RIPOR3: variants seen among roughly 807,000 people sequenced by gnomAD.
The protein encoded by RIPOR3 is RIPOR family member 3.
RIPOR3 carries 95 observed loss-of-function variants against 114.3 expected under a neutral mutation model. That is an observed-to-expected ratio of 0.83 (90% CI 0.70 to 0.99). The LOEUF (loss-of-function observed/expected upper bound fraction) is 0.99. Ranked by LOEUF, RIPOR3 falls within the 50% of genes least tolerant of loss-of-function variation. The pLI is 0.00. For missense variants in RIPOR3, 1,252 were observed against 1,266.9 expected, an observed-to-expected ratio of 0.99 and a Z score of 0.18; for synonymous variants, 575 against 543.8, an observed-to-expected ratio of 1.06 and a Z score of -0.80.
intron 1 of RIPOR3, among the ~76,000 whole-genome samples, chr20:50,656,731 C>T (rs577141684): frequency 3.9e-5 from 6 of 152,182 alleles, no homozygotes; most frequent in Non-Finnish European, 5.9e-5. Flanking sequence ...AACTCCTGAC[C>T]TCATGATCCG....
intron 2 of RIPOR3, chr20:50,621,100 G>T (rs554623423): frequency 4.0e-5 from 12 of 300,846 alleles, no homozygotes; most frequent in African/African-American, 2.8e-4. Flanking sequence ...GCCCTCTCCC[G>T]GAAATATAGA....
Position 50,691,237 on chromosome 20 carries a change from G to T in RIPOR3, c.-109C>A. 7.9e-7 allele frequency: 1 copy of T among 1,273,354 alleles called. No individual in the cohort carries two copies. The highest frequency in any genetic ancestry group is 1.2e-5 in the South Asian group (1 of 80,494). 78.9% of individuals were successfully genotyped at this position (1,273,354 alleles called of 1,614,324 possible). On this transcript the variant is annotated 5_prime_UTR_variant, in exon 1 of 22. Coordinates refer to ENST00000327979, the MANE Select transcript of RIPOR3 (RefSeq NM_001290268.2). ...GCTCCCATCTGGCCCGGGACTCCCG[G>T]ACTCGAGCTAGGGCTCTGCAAATTC...
At position 50,608,595 on chromosome 20, in the gene RIPOR3, C is replaced by T. The variant is rs777345556; in HGVS notation, c.810+18G>A. 4.3e-6 allele frequency: 7 copies of T among 1,613,730 alleles called. No individual in the cohort carries two copies. The highest frequency in any genetic ancestry group is 5.9e-6 in the Non-Finnish European group (7 of 1,179,848). ...AACACCCAGGCACCCCAGCCCTGCC[C>T]CCGGGCCCCATCCCCACCTTGATGT... is the stretch of plus-strand genomic sequence containing the variant. On this transcript the variant is annotated intron_variant, in intron 10 of 21. Transcript: ENST00000327979.
chr20:50,666,186 T>TGC (rs2086194665), intron 1 of RIPOR3, among the ~76,000 whole-genome samples: 2 of 91,484 alleles, frequency 2.2e-5, no homozygotes, highest in African/African-American at 9.9e-5. Flanking sequence ...GACACCCATT[T>TGC]CTTTTCTTTT....
At chr20:50,619,720 T>C (rs1386398831) in intron 3 of RIPOR3, among the ~76,000 whole-genome samples, 2 of 152,202 alleles carry the variant, frequency 1.3e-5, no homozygotes, top group African/African-American at 4.8e-5. Flanking sequence ...TGCTTCTTGA[T>C]TGATTGCATT....
intron 1 of RIPOR3, among the ~76,000 whole-genome samples, chr20:50,673,395 G>T (rs1407322841): frequency 6.6e-6 from 1 of 152,072 alleles, no homozygotes; most frequent in East Asian, 1.9e-4. Flanking sequence ...TCTGCCACGT[G>T]GCCGGTTCCT....
At chr20:50,597,823 A>C in intron 13 of RIPOR3, 113 bp from the exon 14 acceptor site, 1 of 1,439,394 alleles carries the variant, frequency 6.9e-7, no homozygotes. Context: ...CCAAGCCCCA[A>C]TCCCACACAC....
intron 3 of RIPOR3, among the ~76,000 whole-genome samples, chr20:50,617,940 T>G (rs112757924): frequency 1.6e-3 from 245 of 152,178 alleles, no homozygotes; most frequent in African/African-American, 5.6e-3. Context: ...TACTTGACTC[T>G]GGTTCCTCTT....
chr20:50,683,105 C>A (rs893501476), intron 1 of RIPOR3, among the ~76,000 whole-genome samples: 1 of 152,170 alleles, frequency 6.6e-6, no homozygotes, highest in Admixed American at 6.5e-5. Context: ...AATTGCCCAA[C>A]ATTGTGAATG....
chr20:50,659,787 G>A (rs567389949), intron 1 of RIPOR3: 2 of 152,232 alleles, frequency 1.3e-5, no homozygotes, highest in South Asian at 4.1e-4. Context: ...ATCACCAGCT[G>A]AGTCCTGACT....
intron 1 of RIPOR3, among the ~76,000 whole-genome samples, chr20:50,638,733 G>A (rs560413194): frequency 2.0e-5 from 3 of 152,190 alleles, no homozygotes; most frequent in East Asian, 3.9e-4. Flanking sequence ...GGGGAAGCTG[G>A]GCCTCCAAGA....
chr20:50,644,873 C>T (rs1405419477), intron 1 of RIPOR3, among the ~76,000 whole-genome samples: 1 of 147,546 alleles, frequency 6.8e-6, no homozygotes, highest in Non-Finnish European at 1.5e-5. Context: ...GAGTTTCGCT[C>T]TTGTCACCCA....
intron 9 of RIPOR3, 54 bp downstream of exon 9, chr20:50,608,858 C>G (rs1010306116): frequency 5.6e-6 from 9 of 1,605,240 alleles, no homozygotes; most frequent in Non-Finnish European, 7.7e-6. Context: ...CAGCTCCCGT[C>G]CCCCAAAGAC....
rs1568979837 is a variant in RIPOR3, at chr20:50,691,179, C to T, written c.-51G>A. Reference sequence around the variant, plus strand: ...AGTCCCGCCGCCCTCCTTGCAGCTGCCTCACTTTCCCTATTGCCGCCAGCA... The same window carrying T: ...AGTCCCGCCGCCCTCCTTGCAGCTGTCTCACTTTCCCTATTGCCGCCAGCA... On this transcript the variant is annotated 5_prime_UTR_variant, in exon 1 of 22. Coordinates refer to ENST00000327979, the MANE Select transcript of RIPOR3 (RefSeq NM_001290268.2). 1 of 1,289,302 alleles carries T rather than the reference C, an allele frequency of 7.8e-7. No individual in the cohort carries two copies. The highest frequency in any genetic ancestry group is 1.0e-6 in the Non-Finnish European group (1 of 988,864). 79.9% of individuals were successfully genotyped at this position (1,289,302 alleles called of 1,614,324 possible). A position where few individuals can be genotyped will look rare whatever the true frequency, so the allele number is the denominator to read the frequency against.
intron 2 of RIPOR3, among the ~76,000 whole-genome samples, chr20:50,627,726 A>G (rs2084673887): frequency 6.6e-6 from 1 of 152,120 alleles, no homozygotes; most frequent in South Asian, 2.1e-4. Context: ...GATCATTTGA[A>G]CCAAGGAGGT....
intron 14 of RIPOR3, chr20:50,596,881 T>C (rs2083310457): frequency 6.4e-6 from 1 of 156,466 alleles, no homozygotes; most frequent in Non-Finnish European, 1.4e-5. Flanking sequence ...GAAGCTGTCA[T>C]GAGAGGTGTG....
intron 1 of RIPOR3, among the ~76,000 whole-genome samples, chr20:50,667,946 C>G (rs16995393): frequency 0.017 from 2,589 of 152,270 alleles, 87 homozygotes; most frequent in African/African-American, 0.059. Flanking sequence ...TCTGAGATTC[C>G]ATGCTGCTGT....
intron 1 of RIPOR3, among the ~76,000 whole-genome samples, chr20:50,642,333 T>G (rs997412760): frequency 3.5e-5 from 5 of 142,320 alleles, no homozygotes; most frequent in Non-Finnish European, 7.5e-5. Context: ...TAATCTTAAA[T>G]TGTTCTCTGT....
At chr20:50,607,872 C>G (rs2083780179) in intron 11 of RIPOR3, among the ~76,000 whole-genome samples, 1 of 152,168 alleles carries the variant, frequency 6.6e-6, no homozygotes, top group Non-Finnish European at 1.5e-5. Context: ...AAGGAACACC[C>G]TGGAAATGCA....
Sources: gnomAD v4.1 joint callset for allele counts (sites outside exome capture counted in the v4.1 genomes callset) on GRCh38, gnomAD v4.1.1 for gene constraint, MANE v1.5 for transcripts, NCBI Gene and HGNC (gene_info 2026-07-23, HGNC 2026-07-21) for gene names.